The following TMPRSS6 variants were observed in gnomAD, a reference collection of about 807,000 sequenced individuals.
TMPRSS6 encodes the protein transmembrane protease serine 6.
A neutral mutation model predicts 101.5 loss-of-function variants in TMPRSS6; 67 were observed. The observed-to-expected ratio is 0.66, with a 90% CI of 0.54 to 0.81. The LOEUF is 0.81. TMPRSS6 is among the 30% of genes least tolerant of loss of function. The probability of loss-of-function intolerance (pLI) is 0.00; values close to 1 mark genes in which losing one functional copy is unlikely to be tolerated. For missense variants in TMPRSS6, 1,034 were observed against 1,088.7 expected (o/e 0.95, Z 0.71); for synonymous variants, 453 against 464.9 (o/e 0.97, Z 0.33).
intron 10 of TMPRSS6, among the ~76,000 whole-genome samples, chr22:37,080,900 C>G (rs554073156): frequency 6.6e-6 from 1 of 152,268 alleles, no homozygotes. Flanking sequence ...AGGGAAGAAT[C>G]GCACACGTGG....
intron 13 of TMPRSS6, among the ~76,000 whole-genome samples, chr22:37,071,848 G>A (rs1926940928): frequency 6.6e-6 from 1 of 152,220 alleles, no homozygotes; most frequent in Non-Finnish European, 1.5e-5. Context: ...GTGGATATAA[G>A]GACCAGTGGA....
At chr22:37,071,968 TGATG>T (rs533682418) in intron 13 of TMPRSS6, among the ~76,000 whole-genome samples, 180 of 145,200 alleles carry the variant, frequency 1.2e-3, no homozygotes, top group East Asian at 0.011. Flanking sequence ...GATGGATGGA[TGATG>T]GATGGATGGA....
At chr22:37,072,127 TGATGGATG>T (rs983051646) in intron 13 of TMPRSS6, among the ~76,000 whole-genome samples, 3 of 140,464 alleles carry the variant, frequency 2.1e-5, no homozygotes, top group Non-Finnish European at 4.6e-5. Flanking sequence ...GATGGATGGA[TGATGGATG>T]GATGGATGAT....
chr22:37,103,579 C>T lies in TMPRSS6; in HGVS notation c.-1-161G>A, dbSNP rs1569028766. ...TGCAAGTGGGTGCCGAGACAGCTCACAGAGGAGGGAAGTGCATCTCAGGTC... is the reference window on the plus strand; with the variant it reads ...TGCAAGTGGGTGCCGAGACAGCTCATAGAGGAGGGAAGTGCATCTCAGGTC... On this transcript the variant is annotated intron_variant, in intron 1 of 17. Coordinates refer to ENST00000676104, the MANE Select transcript of TMPRSS6 (RefSeq NM_001374504.1). The surrounding 1 kb of genome is among the most constrained non-coding windows in gnomAD (Gnocchi z 4.4). The T allele has an allele frequency of 4.3e-6, 7 of 1,613,332 alleles. No homozygotes were observed. The African/African-American group carries it at 8.0e-5, about 18-fold the overall frequency.
At chr22:37,075,000 TACACAC>T (rs111225958) in intron 11 of TMPRSS6, 129 bp downstream of exon 11, 38 of 1,412,326 alleles carry the variant, frequency 2.7e-5, no homozygotes, top group Non-Finnish European at 3.7e-5. Flanking sequence ...TGCAAGCACA[TACACAC>T]ACACACACAC....
intron 3 of TMPRSS6, among the ~76,000 whole-genome samples, chr22:37,098,025 G>A (rs1929967397): frequency 1.4e-5 from 2 of 141,850 alleles, no homozygotes; most frequent in African/African-American, 2.6e-5. Context: ...GTCCTGTAAC[G>A]GAGGGGCAGG....
intron 7 of TMPRSS6, 25 bp downstream of exon 7, chr22:37,089,553 C>T: frequency 1.5e-6 from 2 of 1,353,768 alleles, no homozygotes; most frequent in South Asian, 1.2e-5. Flanking sequence ...AGCCCTCCCT[C>T]CTGCCCTCCT....
upstream of TMPRSS6, among the ~76,000 whole-genome samples, chr22:37,110,137 CTTTTTT>C (rs55809648): frequency 9.2e-5 from 8 of 87,064 alleles, no homozygotes; most frequent in South Asian, 4.3e-4. Context: ...CTACCTCGTT[CTTTTTT>C]TTTTTTTTTT....
upstream of TMPRSS6, among the ~76,000 whole-genome samples, chr22:37,109,782 G>A (rs373880200): frequency 1.6e-3 from 226 of 143,890 alleles, 1 homozygote; most frequent in Middle Eastern, 7.0e-3. Flanking sequence ...CCCCACCCCC[G>A]CATGGGCACC....
rs748496785 is a variant in TMPRSS6 at position 37,075,257 on chromosome 22, T to C, written c.1220A>G (p.Gln407Arg). 6.2e-7 allele frequency: 1 copy of C among 1,613,534 alleles called. No individual in the cohort carries two copies. Among genetic ancestry groups the C allele is most frequent in the South Asian group, 1.1e-5 (1 of 91,078 alleles). Reference protein sequence around the residue: ...NRRLCGLRILQPYAERIPVVA... With the variant: ...NRRLCGLRILRPYAERIPVVA... ...CACGGGGATCCTCTCGGCGTAGGGC[T>C]GCAGGATGCGCAAGCCACACAGCCT... The change falls in exon 11 of 18, where the codon CAG becomes CGG. Residue 407 changes from glutamine to arginine, a missense_variant. By Grantham distance (43) the Gln-to-Arg change is conservative (BLOSUM62 1). Coordinates refer to ENST00000676104, the MANE Select transcript of TMPRSS6 (RefSeq NM_001374504.1).
At chr22:37,098,572 G>T (rs773233292) in intron 2 of TMPRSS6, 23 bp from the exon 3 acceptor site, 3 of 1,614,088 alleles carry the variant, frequency 1.9e-6, no homozygotes, top group Non-Finnish European at 2.5e-6. Flanking sequence ...GAACCAGCAG[G>T]GTTAGTGGAG....
rs531283627 is a variant in TMPRSS6 at position 37,093,886 on chromosome 22, G to T, written c.631+1665C>A. ...AAAAATATACAAATTAGCCAGGCAT[G>T]GTGGCAGGCACCTGTAGTCCCAGCT... On this transcript the variant is annotated intron_variant, in intron 6 of 17. Transcript: ENST00000676104. Among the ~76,000 whole-genome samples the T allele has an allele frequency of 1.2e-4, 18 of 152,040 alleles. No homozygotes were observed. In the East Asian group the frequency reaches 3.5e-3, roughly 30 times the overall value.
intron 1 of TMPRSS6, among the ~76,000 whole-genome samples, chr22:37,105,372 G>A (rs528629783): frequency 2.0e-5 from 3 of 152,336 alleles, no homozygotes; most frequent in South Asian, 2.1e-4. Flanking sequence ...GTCCGGCAAC[G>A]GGTGGGACAG....
At chr22:37,073,811 G>A (rs377572668) in intron 12 of TMPRSS6, among the ~76,000 whole-genome samples, 166 bp from the exon 13 acceptor site, 1 of 152,132 alleles carries the variant, frequency 6.6e-6, no homozygotes. Flanking sequence ...GCTGGAGTGC[G>A]ATGGCATGAT....
At position 37,069,207 on chromosome 22, in the gene TMPRSS6, A is replaced by G. The variant is rs1220180143; in HGVS notation, c.1979T>C (p.Val660Ala). 1 of 1,605,948 alleles carries G rather than the reference A, an allele frequency of 6.2e-7. No individual in the cohort carries two copies. Among genetic ancestry groups the G allele is most frequent in the Non-Finnish European group, 8.5e-7 (1 of 1,177,130 alleles). The change falls in exon 16 of 18, where the codon GTG becomes GCG. Residue 660 changes from valine to alanine, a missense_variant. Val to Ala is a moderately conservative substitution (Grantham distance 64, BLOSUM62 0). Coordinates refer to ENST00000676104, the MANE Select transcript of TMPRSS6 (RefSeq NM_001374504.1). The surrounding 1 kb of genome is among the most constrained non-coding windows in gnomAD (Gnocchi z 4.8). ...YHEEDSHDYD[V>A]ALLQLDHPVV... ...CGGGTGGTCGAGCTGCAGCAGCGCC[A>G]CGTCGTAGTCATGGCTGTCCTCTTC...
intron 17 of TMPRSS6, 88 bp from the exon 18 acceptor site, chr22:37,066,326 T>C: frequency 7.5e-7 from 1 of 1,326,124 alleles, no homozygotes; most frequent in East Asian, 2.5e-5. Flanking sequence ...GTCCTGACTG[T>C]TGGGAATTGA....
At chr22:37,083,020 A>G (rs1299526950) in intron 10 of TMPRSS6, 1 of 471,050 alleles carries the variant, frequency 2.1e-6, no homozygotes, top group Non-Finnish European at 4.4e-6. Context: ...GAAATCCAAG[A>G]ATTCTAGAGC....
At chr22:37,068,676 G>A (rs554334315) in intron 16 of TMPRSS6, 17 of 779,700 alleles carry the variant, frequency 2.2e-5, no homozygotes, top group African/African-American at 8.4e-5. Context: ...GCATCCGCCC[G>A]TAGGGCTGTT....
chr22:37,103,192 T>G lies in TMPRSS6; in HGVS notation c.202+24A>C, dbSNP rs1258253526. 1 of 1,613,032 alleles carries G rather than the reference T, an allele frequency of 6.2e-7. No individual in the cohort carries two copies. Among genetic ancestry groups the G allele is most frequent in the Non-Finnish European group, 8.5e-7 (1 of 1,179,726 alleles). On this transcript the variant is annotated intron_variant, in intron 2 of 17. Coordinates refer to ENST00000676104, the MANE Select transcript of TMPRSS6 (RefSeq NM_001374504.1). This position sits in a 1 kb window ranked among gnomAD's most constrained non-coding sequence, Gnocchi z 4.4. ...ACCCCAAGTCCTCCCCAGGTGCCTC[T>G]CCCAGGCGGTCCCACAACGTTACCT...
Sources: gnomAD v4.1 joint callset for allele counts (sites outside exome capture counted in the v4.1 genomes callset) on GRCh38, gnomAD v4.1.1 for gene constraint, Gnocchi (gnomAD v3.1) non-coding constraint, MANE v1.5 for transcripts, NCBI Gene and HGNC (gene_info 2026-07-23, HGNC 2026-07-21) for gene names.